The following RCOR1 variants were observed in gnomAD, a reference collection of about 807,000 sequenced individuals.
RCOR1 encodes the protein REST corepressor.
In RCOR1, 12 loss-of-function variants were observed where a neutral mutation model predicts 64.0. That is an observed-to-expected ratio of 0.19 (90% CI 0.12 to 0.30). The LOEUF is 0.30. Ranked by LOEUF, RCOR1 falls within the 10% of genes least tolerant of loss-of-function variation. The probability of loss-of-function intolerance (pLI) is 1.00; values close to 1 mark genes in which losing one functional copy is unlikely to be tolerated. For synonymous variants in RCOR1, 279 were observed against 227.2 expected (o/e 1.23, Z -2.05); for missense variants, 502 against 621.2 (o/e 0.81, Z 2.04).
chr14:102,647,926 A>C (rs376373246), intron 2 of RCOR1, among the ~76,000 whole-genome samples: 1 of 151,760 alleles, frequency 6.6e-6, no homozygotes, highest in Non-Finnish European at 1.5e-5. Context: ...TGAGCCGCCT[A>C]CCTTGTGCTC....
chr14:102,621,207 A>G (rs908251754), intron 2 of RCOR1, among the ~76,000 whole-genome samples: 6 of 152,040 alleles, frequency 3.9e-5, no homozygotes, highest in East Asian at 3.8e-4. Flanking sequence ...CCTGGCCTCA[A>G]GTGATCCTCT....
intron 11 of RCOR1, among the ~76,000 whole-genome samples, chr14:102,726,238 A>G (rs1477210146): frequency 6.6e-6 from 1 of 151,766 alleles, no homozygotes; most frequent in Non-Finnish European, 1.5e-5. Context: ...GAGGCAGAGG[A>G]ATCGCTTGAC....
At chr14:102,600,027 G>T (rs147744104) in intron 2 of RCOR1, among the ~76,000 whole-genome samples, 12 of 152,072 alleles carry the variant, frequency 7.9e-5, no homozygotes, top group East Asian at 1.9e-4. Context: ...CTCCCAAAGT[G>T]CTGGGATCAC....
chr14:102,683,819 C>T (rs899225038), intron 3 of RCOR1, among the ~76,000 whole-genome samples: 3 of 152,366 alleles, frequency 2.0e-5, no homozygotes, highest in African/African-American at 7.2e-5. Flanking sequence ...TGGAAGCTGG[C>T]AGTGCTGGGC....
At chr14:102,611,550 G>T (rs192917214) in intron 2 of RCOR1, among the ~76,000 whole-genome samples, 1 of 152,026 alleles carries the variant, frequency 6.6e-6, no homozygotes, top group Non-Finnish European at 1.5e-5. Flanking sequence ...GTTGGAGGCT[G>T]GATATTTTTG....
Position 102,593,633 on chromosome 14 carries a change from G to C in RCOR1, c.361+308G>C, listed in dbSNP as rs184690431. Among the ~76,000 whole-genome samples, 450 of 152,318 alleles carry C rather than the reference G, an allele frequency of 3.0e-3. 3 individuals carry two copies. Among genetic ancestry groups the C allele is most frequent in the African/African-American group, 0.01 (423 of 41,580 alleles). The stretch of plus-strand genomic sequence containing the variant: ...TGGCCTGGGGGCGCTGGGGGTCCCT[G>C]CGTCCAGGTGAGCTGCGCCTCGGCC... On this transcript the variant is annotated intron_variant, in intron 2 of 11. Transcript: ENST00000262241.
At chr14:102,691,572 A>T (rs1895533647) in intron 3 of RCOR1, among the ~76,000 whole-genome samples, 1 of 152,250 alleles carries the variant, frequency 6.6e-6, no homozygotes, top group Non-Finnish European at 1.5e-5. Context: ...TATGGCTAGA[A>T]GAGGTTGAAA....
At chr14:102,683,145 A>G (rs1220684878) in intron 3 of RCOR1, among the ~76,000 whole-genome samples, 1 of 152,222 alleles carries the variant, frequency 6.6e-6, no homozygotes, top group Non-Finnish European at 1.5e-5. Flanking sequence ...GGTGTTGCCT[A>G]TAAAATAAAT....
At chr14:102,673,709 G>A (rs1468185106) in intron 2 of RCOR1, among the ~76,000 whole-genome samples, 3 of 151,924 alleles carry the variant, frequency 2.0e-5, no homozygotes, top group Non-Finnish European at 2.9e-5. Flanking sequence ...TCCGCCTCCC[G>A]GGTTCAAGTG....
At chr14:102,723,842 G>T (rs567312126) in intron 11 of RCOR1, among the ~76,000 whole-genome samples, 1 of 152,128 alleles carries the variant, frequency 6.6e-6, no homozygotes, top group African/African-American at 2.4e-5. Flanking sequence ...AAACAGTTGG[G>T]AACGCTGGCT....
chr14:102,672,457 CCGCCTCGGCTTCCCAAAGTGCTGGGATTA>C (rs1895050066), intron 2 of RCOR1, among the ~76,000 whole-genome samples: 1 of 152,100 alleles, frequency 6.6e-6, no homozygotes, highest in African/African-American at 2.4e-5. Context: ...CATGATCCGC[CCGCCTCGGCTTCCCAAAGTGCTGGGATTA>C]CAGGTGTGAG....
rs778292628 is a variant in RCOR1 at position 102,593,247 on chromosome 14, T to G, written c.302-19T>G. ...GCGCCCCGCGCCGCGCTGACCGCCG[T>G]ATTCTGCTTCCCCCGCAGGTGGCGG... On this transcript the variant is annotated intron_variant, in intron 1 of 11. Coordinates refer to ENST00000262241, the MANE Select transcript of RCOR1 (RefSeq NM_015156.4). 4.6e-5 allele frequency: 70 copies of G among 1,509,182 alleles called. No individual in the cohort carries two copies. The highest frequency in any genetic ancestry group is 5.6e-5 in the Non-Finnish European group (63 of 1,133,520). 93.5% of individuals were successfully genotyped at this position (1,509,182 alleles called of 1,614,324 possible).
intron 3 of RCOR1, among the ~76,000 whole-genome samples, chr14:102,688,349 T>G (rs367862410): frequency 2.0e-5 from 3 of 152,330 alleles, no homozygotes; most frequent in South Asian, 2.1e-4. Context: ...GTGACAAGTG[T>G]TGTCCTGGGG....
At chr14:102,668,738 G>A (rs572773109) in intron 2 of RCOR1, among the ~76,000 whole-genome samples, 1 of 152,208 alleles carries the variant, frequency 6.6e-6, no homozygotes, top group African/African-American at 2.4e-5. Flanking sequence ...TTAAAAACAA[G>A]TGAATAGAGC....
chr14:102,639,162 T>C (rs947895887), intron 2 of RCOR1, among the ~76,000 whole-genome samples: 3 of 152,172 alleles, frequency 2.0e-5, no homozygotes, highest in Non-Finnish European at 4.4e-5. Context: ...ATGGTTTTCT[T>C]TTGTGCGGTG....
At chr14:102,599,773 A>C (rs556063785) in intron 2 of RCOR1, among the ~76,000 whole-genome samples, 5 of 151,762 alleles carry the variant, frequency 3.3e-5, no homozygotes, top group Admixed American at 1.3e-4. Flanking sequence ...TTGTAAAAAA[A>C]ATATGGTGAA....
At chr14:102,626,168 T>C (rs1231504962) in intron 2 of RCOR1, among the ~76,000 whole-genome samples, 1 of 152,250 alleles carries the variant, frequency 6.6e-6, no homozygotes, top group Non-Finnish European at 1.5e-5. Flanking sequence ...CTTACGCTTT[T>C]GTTCAGCTTA....
chr14:102,658,195 G>C (rs546079916), intron 2 of RCOR1, among the ~76,000 whole-genome samples: 25 of 152,204 alleles, frequency 1.6e-4, no homozygotes, highest in African/African-American at 6.0e-4. Flanking sequence ...GGCTGGTCTT[G>C]ACCTCTGAAC....
rs938056127 is a variant in RCOR1 at position 102,665,306 on chromosome 14, C to G, written c.362-16589C>G. On this transcript the variant is annotated intron_variant, in intron 2 of 11. Coordinates refer to ENST00000262241, the MANE Select transcript of RCOR1 (RefSeq NM_015156.4). ...AGGTATGAGCCACCACACCTGGCCT[C>G]AACACTTTTTTTTTTTTTTTTTTTA... Among the ~76,000 whole-genome samples the G allele has an allele frequency of 2.2e-5, 3 of 138,592 alleles. No homozygotes were observed. The East Asian group carries it at 6.3e-4, about 29-fold the overall frequency. The allele number at this position is 138,592 out of a possible 152,430, so 90.9% of individuals were successfully genotyped here.
Sources: allele counts gnomAD v4.1 joint callset (sites outside exome capture counted in the v4.1 genomes callset), GRCh38; gene constraint gnomAD v4.1.1; transcripts MANE v1.5; gene names NCBI Gene and HGNC (gene_info 2026-07-23, HGNC 2026-07-21).